DNM2: variants seen among roughly 807,000 people sequenced by gnomAD.
The protein encoded by DNM2 is dynamin-2.
In DNM2, 15 loss-of-function variants were observed where a neutral mutation model predicts 99.0. The observed-to-expected ratio is 0.15, with a 90% confidence interval of 0.10 to 0.23. The LOEUF (loss-of-function observed/expected upper bound fraction) is 0.23. DNM2 is among the 10% of genes least tolerant of loss of function. The probability of loss-of-function intolerance (pLI) is 1.00; values close to 1 mark genes in which losing one functional copy is unlikely to be tolerated. For synonymous variants in DNM2, 525 were observed against 481.2 expected (o/e 1.09, Z -1.19); for missense variants, 742 against 1,189.4 (o/e 0.62, Z 5.53).
intron 7 of DNM2, among the ~76,000 whole-genome samples, chr19:10,791,240 C>A (rs958795477): frequency 6.6e-6 from 1 of 152,008 alleles, no homozygotes. Context: ...AGGCGTGCAC[C>A]ACAGCACCTG....
chr19:10,735,650 A>G (rs2145733682), intron 1 of DNM2, among the ~76,000 whole-genome samples: 1 of 150,842 alleles, frequency 6.6e-6, no homozygotes, highest in East Asian at 2.0e-4. Flanking sequence ...AGCAGCTGAG[A>G]CTACAGGCGC....
intron 1 of DNM2, among the ~76,000 whole-genome samples, chr19:10,757,943 CAAAAAAAA>C (rs762600168): frequency 3.1e-5 from 2 of 65,434 alleles, no homozygotes; most frequent in Admixed American, 1.7e-4. Context: ...AGCTCTGTCT[CAAAAAAAA>C]AAAAAAAAAA....
At chr19:10,752,597 G>T (rs965850645) in intron 1 of DNM2, among the ~76,000 whole-genome samples, 4 of 152,200 alleles carry the variant, frequency 2.6e-5, no homozygotes, top group Non-Finnish European at 2.9e-5. Context: ...TGCTCAGAAG[G>T]CCAGGTGCCC....
chr19:10,802,174 G>A (rs2072174436), intron 11 of DNM2, 114 bp from the exon 12 acceptor site: 10 of 1,098,998 alleles, frequency 9.1e-6, no homozygotes, highest in Non-Finnish European at 1.4e-5. Flanking sequence ...TCCTGTCTGG[G>A]AAGCCTCCTG....
At position 10,829,162 on chromosome 19, in the gene DNM2, C is replaced by G. The variant is rs1444809174; in HGVS notation, c.2185C>G (p.Leu729Val). 1.2e-6 allele frequency: 2 copies of G among 1,613,918 alleles called. No individual in the cohort carries two copies. Among genetic ancestry groups the G allele is most frequent in the Non-Finnish European group, 1.7e-6 (2 of 1,180,040 alleles). The change falls in exon 19 of 21, where the codon CTC becomes GTC. Residue 729 changes from leucine (L) to valine (V), a missense_variant. By Grantham distance (32) the Leu-to-Val change is conservative (BLOSUM62 1). Transcript: ENST00000389253. ...RDDMLRMYHALKEALNIIGDI... is the reference protein window; with the variant it reads ...RDDMLRMYHAVKEALNIIGDI... Reference sequence around the variant, plus strand: ...CGACATGCTGCGCATGTACCATGCCCTCAAGGAGGCGCTCAACATCATCGG... The same window carrying G: ...CGACATGCTGCGCATGTACCATGCCGTCAAGGAGGCGCTCAACATCATCGG...
At chr19:10,771,132 C>A (rs764530052) in intron 2 of DNM2, among the ~76,000 whole-genome samples, 1 of 152,184 alleles carries the variant, frequency 6.6e-6, no homozygotes, top group African/African-American at 2.4e-5. Context: ...TAGCTGTGAT[C>A]TCTGAGCTTT....
intron 15 of DNM2, among the ~76,000 whole-genome samples, chr19:10,815,348 C>T (rs1187185807): frequency 6.6e-6 from 1 of 152,212 alleles, no homozygotes; most frequent in Non-Finnish European, 1.5e-5. Flanking sequence ...TGTTTCTGAG[C>T]GTGACAGCTG....
At chr19:10,791,284 T>G (rs917440349) in intron 7 of DNM2, among the ~76,000 whole-genome samples, 2 of 152,192 alleles carry the variant, frequency 1.3e-5, no homozygotes, top group South Asian at 2.1e-4. Context: ...AGACTGGATC[T>G]CACTATGTTG....
At chr19:10,802,444 G>C in intron 12 of DNM2, 86 bp downstream of exon 12, 1 of 1,451,020 alleles carries the variant, frequency 6.9e-7, no homozygotes, top group Non-Finnish European at 9.7e-7. Flanking sequence ...GATTCTCTGA[G>C]AGGGCAGGTG....
chr19:10,783,182 A>T, intron 6 of DNM2, 62 bp downstream of exon 6: 1 of 1,593,282 alleles, frequency 6.3e-7, no homozygotes, highest in South Asian at 1.1e-5. Context: ...CAACAGCTGC[A>T]ATCCTCACTG....
At position 10,830,003 on chromosome 19, in the gene DNM2, G is replaced by C. The variant is rs1453443415; in HGVS notation, c.2292-124G>C. 1 of 1,408,588 alleles carries C rather than the reference G, an allele frequency of 7.1e-7. No individual in the cohort carries two copies. Among genetic ancestry groups the C allele is most frequent in the Non-Finnish European group, 1.0e-6 (1 of 995,480 alleles). 87.3% of individuals were successfully genotyped at this position (1,408,588 alleles called of 1,614,324 possible). On this transcript the variant is annotated intron_variant, in intron 19 of 20. Transcript: ENST00000389253. This position sits in a 1 kb window ranked among gnomAD's most constrained non-coding sequence, Gnocchi z 4.8. ...ACTGGCGCTCAGGTTGGGGTGGGAGGATCCCACTGCGCCTGCGCTGTCCCC... is the reference window on the plus strand; with the variant it reads ...ACTGGCGCTCAGGTTGGGGTGGGAGCATCCCACTGCGCCTGCGCTGTCCCC...
chr19:10,755,216 G>A (rs2070339930), intron 1 of DNM2: 1 of 152,228 alleles, frequency 6.6e-6, no homozygotes, highest in Non-Finnish European at 1.5e-5. Flanking sequence ...TAGTCCATCA[G>A]TGCAATGGAC....
chr19:10,761,885 C>A (rs938768010), intron 2 of DNM2, among the ~76,000 whole-genome samples: 1 of 152,170 alleles, frequency 6.6e-6, no homozygotes, highest in East Asian at 1.9e-4. Flanking sequence ...CGTACGCCAC[C>A]GATGGGCCAA....
rs1466728728 is a variant in DNM2, at chr19:10,816,060, G to C, written c.1671+3683G>C. On this transcript the variant is annotated intron_variant, in intron 15 of 20. Transcript: ENST00000389253. The surrounding 1 kb of genome is among the most constrained non-coding windows in gnomAD (Gnocchi z 4.6). ...TCACGCTTGCTATTCGGGTGGCTCTGTGGTCACCCCCATCTAAGGCTCTGA... is the reference window on the plus strand; with the variant it reads ...TCACGCTTGCTATTCGGGTGGCTCTCTGGTCACCCCCATCTAAGGCTCTGA... Among the ~76,000 whole-genome samples the C allele has an allele frequency of 6.6e-6, 1 of 152,148 alleles. No individual in the cohort carries two copies. The highest frequency in any genetic ancestry group is 1.5e-5 in the Non-Finnish European group (1 of 67,998).
chr19:10,718,138 C>A lies in DNM2; in HGVS notation c.-105C>A. 8.2e-7 allele frequency: 1 copy of A among 1,225,200 alleles called. No individual in the cohort carries two copies. The highest frequency in any genetic ancestry group is 1.0e-6 in the Non-Finnish European group (1 of 973,234). 75.9% of individuals were successfully genotyped at this position (1,225,200 alleles called of 1,614,324 possible). A position where few individuals can be genotyped will look rare whatever the true frequency, so the allele number is the denominator to read the frequency against. On this transcript the variant is annotated 5_prime_UTR_variant, in exon 1 of 21. Transcript: ENST00000389253. Reference sequence around the variant, plus strand: ...CCGGGAGCGGGCGTCTTGCCGAGGCCCGGGCGGGCGGGGAGCAACGGCTAC... The same window carrying A: ...CCGGGAGCGGGCGTCTTGCCGAGGCACGGGCGGGCGGGGAGCAACGGCTAC...
Position 10,772,482 on chromosome 19 carries a change from A to T in DNM2, c.239A>T (p.His80Leu). Residue 80 changes from histidine to leucine, a missense_variant, in exon 3 of 21, where the codon CAT (histidine) becomes CTT (leucine). This residue lies in a region of DNM2 where 192 missense variants were observed against 358.9 expected (regional missense o/e 0.54). Coordinates refer to ENST00000389253, the MANE Select transcript of DNM2 (RefSeq NM_001005361.3). The surrounding 1 kb of genome is among the most constrained non-coding windows in gnomAD (Gnocchi z 4.9). Reference protein sequence around the residue: ...ILQLIFSKTEHAEFLHCKSKK... With the variant: ...ILQLIFSKTELAEFLHCKSKK... ...AGCATCTCTCTTCCCTTTCTAGAAC[A>T]TGCCGAGTTTTTGCACTGCAAGTCC... The T allele has an allele frequency of 6.2e-7, 1 of 1,614,058 alleles. No homozygotes were observed. The highest frequency in any genetic ancestry group is 8.5e-7 in the Non-Finnish European group (1 of 1,180,018).
At chr19:10,752,284 G>A (rs2070224539) in intron 1 of DNM2, among the ~76,000 whole-genome samples, 1 of 152,174 alleles carries the variant, frequency 6.6e-6, no homozygotes, top group Non-Finnish European at 1.5e-5. Context: ...CAGCCTGTTT[G>A]AAGAGAAACC....
In DNM2 at chr19:10,783,092, C is replaced by T. The variant is rs746387165; in HGVS notation, c.821C>T (p.Thr274Met). Residue 274 changes from threonine (T) to methionine (M), a missense_variant, in exon 6 of 21, where the codon ACG becomes ATG. By Grantham distance (81) the Thr-to-Met change is moderately conservative. Coordinates refer to ENST00000389253, the MANE Select transcript of DNM2 (RefSeq NM_001005361.3). ...CGGCACATGGCCGACCGCATGGGCACGCCACATCTGCAGAAGACGCTGAAT... is the reference window on the plus strand; with the variant it reads ...CGGCACATGGCCGACCGCATGGGCATGCCACATCTGCAGAAGACGCTGAAT... ...AYRHMADRMG[T>M]PHLQKTLNQQ... 5.6e-6 allele frequency: 9 copies of T among 1,613,168 alleles called. No individual in the cohort carries two copies. The highest frequency in any genetic ancestry group is 3.3e-5 in the South Asian group (3 of 91,092).
At chr19:10,787,155 G>A (rs1017487761) in intron 7 of DNM2, among the ~76,000 whole-genome samples, 5 of 151,744 alleles carry the variant, frequency 3.3e-5, no homozygotes, top group African/African-American at 1.2e-4. Context: ...TCAACATGGT[G>A]AAACCCCGTC....
Sources: allele counts gnomAD v4.1 joint callset (sites outside exome capture counted in the v4.1 genomes callset), GRCh38; gene constraint gnomAD v4.1.1; regional missense constraint gnomAD v4.1.1; non-coding constraint Gnocchi (gnomAD v3.1); transcripts MANE v1.5; gene names NCBI Gene and HGNC (gene_info 2026-07-23, HGNC 2026-07-21).